The following LRP12 variants were observed in gnomAD, a reference collection of about 807,000 sequenced individuals.
LRP12 encodes LDL receptor related protein 12.
In LRP12, 14 loss-of-function variants were observed where a neutral mutation model predicts 66.0. The observed-to-expected ratio is 0.21, with a 90% CI of 0.14 to 0.33. The LOEUF (loss-of-function observed/expected upper bound fraction) is 0.33. Ranked by LOEUF, LRP12 falls within the 10% of genes least tolerant of loss-of-function variation. The pLI is 1.00. For synonymous variants in LRP12, 357 were observed against 359.1 expected (o/e 0.99, Z 0.07); for missense variants, 889 against 1,053.4 (o/e 0.84, Z 2.16).
At chr8:104,553,192 A>C (rs1457442493) in intron 1 of LRP12, among the ~76,000 whole-genome samples, 2 of 152,206 alleles carry the variant, frequency 1.3e-5, no homozygotes, top group African/African-American at 4.8e-5. Context: ...TGAACTTTGT[A>C]ACAATTTCAA....
chr8:104,532,942 T>C (rs1158159827), intron 1 of LRP12, among the ~76,000 whole-genome samples: 8 of 152,092 alleles, frequency 5.3e-5, no homozygotes, highest in Admixed American at 5.3e-4. Flanking sequence ...ATCATGCCCA[T>C]TAAGCACTTG....
At chr8:104,578,409 C>A (rs1213763697) in intron 1 of LRP12, among the ~76,000 whole-genome samples, 1 of 152,032 alleles carries the variant, frequency 6.6e-6, no homozygotes, top group African/African-American at 2.4e-5. Context: ...AAACAGCCTA[C>A]CAACCAAAAA....
At chr8:104,527,054 T>G (rs1811250301) in intron 2 of LRP12, among the ~76,000 whole-genome samples, 1 of 151,054 alleles carries the variant, frequency 6.6e-6, no homozygotes, top group Non-Finnish European at 1.5e-5. Flanking sequence ...AAGAAGACAT[T>G]TATGCAGCCA....
intron 1 of LRP12, among the ~76,000 whole-genome samples, chr8:104,574,438 T>A (rs1041079893): frequency 6.0e-4 from 92 of 152,348 alleles, no homozygotes; most frequent in African/African-American, 2.2e-3. Context: ...ATTCATCTAT[T>A]CTATTGCTGA....
chr8:104,504,722 G>A (rs922084060), intron 3 of LRP12: 15 of 152,202 alleles, frequency 9.9e-5, no homozygotes, highest in African/African-American at 3.4e-4. Context: ...TGTTCCACAT[G>A]TCTTTGAAAA....
intron 1 of LRP12, among the ~76,000 whole-genome samples, chr8:104,565,297 A>G (rs1277076513): frequency 1.3e-5 from 2 of 152,244 alleles, no homozygotes; most frequent in Non-Finnish European, 2.9e-5. Context: ...GCAAACGGTA[A>G]TAATGACTGT....
intron 1 of LRP12, among the ~76,000 whole-genome samples, chr8:104,540,683 A>C (rs1426092326): frequency 4.3e-4 from 66 of 152,218 alleles, no homozygotes; most frequent in Non-Finnish European, 7.3e-5. Flanking sequence ...AGTAATAATT[A>C]TTTATAACAT....
At chr8:104,561,071 A>C (rs1173737531) in intron 1 of LRP12, among the ~76,000 whole-genome samples, 2 of 152,178 alleles carry the variant, frequency 1.3e-5, no homozygotes, top group African/African-American at 4.8e-5. Context: ...GCAACTACTC[A>C]ACTCTGTCAC....
chr8:104,539,509 C>T (rs919020349), intron 1 of LRP12, among the ~76,000 whole-genome samples: 1 of 151,910 alleles, frequency 6.6e-6, no homozygotes, highest in African/African-American at 2.4e-5. Flanking sequence ...AAAAAAACCC[C>T]TCTGATAGCA....
chr8:104,579,884 G>A (rs1416148075), intron 1 of LRP12, among the ~76,000 whole-genome samples: 1 of 148,008 alleles, frequency 6.8e-6, no homozygotes, highest in Non-Finnish European at 1.5e-5. Flanking sequence ...CATATGCAGA[G>A]GACTGAAACT....
intron 3 of LRP12, chr8:104,507,114 G>A (rs184506375): frequency 6.6e-6 from 1 of 152,076 alleles, no homozygotes; most frequent in Admixed American, 6.5e-5. Flanking sequence ...ATTTAATTAT[G>A]CATATGATTC....
Position 104,588,959 on chromosome 8 carries a change from AGACGACGCC to A in LRP12, c.-71_-63del, listed in dbSNP as rs550024348. 11,389 of 1,080,564 alleles carry A rather than the reference AGACGACGCC, an allele frequency of 0.011. 812 individuals carry two copies. The African/African-American group carries it at 0.19, about 18-fold the overall frequency. The allele number at this position is 1,080,564 out of a possible 1,614,324, so 66.9% of individuals were successfully genotyped here. Reference sequence around the variant, plus strand: ...GGAGGAGGGAGGAGAAGCTGGAGGTAGACGACGCCGACGCCGCCGCCGCCGCCGCCGCCG... The same window carrying A: ...GGAGGAGGGAGGAGAAGCTGGAGGTAGACGCCGCCGCCGCCGCCGCCGCCG... On this transcript the variant is annotated 5_prime_UTR_variant, in exon 1 of 7. Coordinates refer to ENST00000276654, the MANE Select transcript of LRP12 (RefSeq NM_013437.5).
chr8:104,497,266 C>A lies in LRP12; in HGVS notation c.1286G>T (p.Arg429Leu), dbSNP rs746185562. 6.2e-7 allele frequency: 1 copy of A among 1,614,128 alleles called. No homozygotes were observed. The highest frequency in any genetic ancestry group is 1.3e-5 in the African/African-American group (1 of 75,012). Residue 429 changes from arginine (R) to leucine (L), a missense_variant, in exon 5 of 7, where the codon CGT (arginine) becomes CTT (leucine). By Grantham distance (102) the Arg-to-Leu change is moderately radical. Around this residue, in one of 3 missense-constraint regions of LRP12, gnomAD observed 800 missense variants for 964.5 expected, o/e 0.83. Transcript: ENST00000276654. This position sits in a 1 kb window ranked among gnomAD's most constrained non-coding sequence, Gnocchi z 4.3. Reference protein sequence around the residue: ...PCSRNGVCYPRSDRCNYQNHC... With the variant: ...PCSRNGVCYPLSDRCNYQNHC... Reference sequence around the variant, plus strand: ...ATTCTGGTAGTTGCAGCGATCAGAACGAGGATAACAGACACCATTTCGGGA... The same window carrying A: ...ATTCTGGTAGTTGCAGCGATCAGAAAGAGGATAACAGACACCATTTCGGGA...
chr8:104,550,515 T>C (rs1004761342), intron 1 of LRP12, among the ~76,000 whole-genome samples: 25 of 152,322 alleles, frequency 1.6e-4, no homozygotes, highest in African/African-American at 5.3e-4. Flanking sequence ...TAAACTCTTA[T>C]CTACCCTCAG....
At chr8:104,501,502 C>T (rs141096682) in intron 3 of LRP12, among the ~76,000 whole-genome samples, 1,672 of 152,198 alleles carry the variant, frequency 0.011, 16 homozygotes, top group Middle Eastern at 0.014. Flanking sequence ...GAGTTCGAGA[C>T]CAGCCTGGCC....
chr8:104,588,910 T>C lies in LRP12; in HGVS notation c.-13A>G, dbSNP rs1812381560. ...AGCGACAGGCCATAACCACAGCAGA[T>C]GGAGAGAGAGAGGAGGAGACGGAGG... On this transcript the variant is annotated 5_prime_UTR_variant, in exon 1 of 7. Transcript: ENST00000276654. 1.3e-6 allele frequency: 2 copies of C among 1,595,608 alleles called. No homozygotes were observed. The highest frequency in any genetic ancestry group is 1.7e-6 in the Non-Finnish European group (2 of 1,170,086).
intron 1 of LRP12, among the ~76,000 whole-genome samples, chr8:104,548,003 T>C (rs1811626157): frequency 8.1e-6 from 1 of 123,586 alleles, no homozygotes; most frequent in Non-Finnish European, 1.6e-5. Context: ...ATTTTGTATA[T>C]AATATATAAT....
At position 104,496,962 on chromosome 8, in the gene LRP12, T is replaced by C; in HGVS notation, c.1580+10A>G. The C allele has an allele frequency of 6.6e-7, 1 of 1,516,234 alleles. No individual in the cohort carries two copies. The highest frequency in any genetic ancestry group is 8.8e-7 in the Non-Finnish European group (1 of 1,133,112). 93.9% of individuals were successfully genotyped at this position (1,516,234 alleles called of 1,614,324 possible). A position where few individuals can be genotyped will look rare whatever the true frequency, so the allele number is the denominator to read the frequency against. On this transcript the variant is annotated intron_variant, in intron 5 of 6. Transcript: ENST00000276654. ...TTATTGAGGCCCAATAGTTCTGTCT[T>C]GATACTGACCTTCTTTCAAACATTC...
chr8:104,585,498 T>C (rs1234675651), intron 1 of LRP12, among the ~76,000 whole-genome samples: 1 of 152,202 alleles, frequency 6.6e-6, no homozygotes, highest in Non-Finnish European at 1.5e-5. Context: ...AGTGCTGGGA[T>C]TACAGGCTTG....
Sources: gnomAD v4.1 joint callset for allele counts (sites outside exome capture counted in the v4.1 genomes callset) on GRCh38, gnomAD v4.1.1 for gene constraint, gnomAD v4.1.1 regional missense constraint, Gnocchi (gnomAD v3.1) non-coding constraint, MANE v1.5 for transcripts, NCBI Gene and HGNC (gene_info 2026-07-23, HGNC 2026-07-21) for gene names.